Variants in TTLL1 observed in about 807,000 individuals in gnomAD.
The protein encoded by TTLL1 is TTL family tubulin polyglutamylase complex subunit L1, also known as polyglutamylase complex subunit TTLL1.
TTLL1 carries 33 observed loss-of-function variants against 47.8 expected under a neutral mutation model. That is an observed-to-expected ratio of 0.69 (90% CI 0.52 to 0.92). TTLL1 has a LOEUF of 0.92. Among genes scored for constraint, TTLL1 ranks in the 40% least tolerant of loss-of-function variants. TTLL1 has a pLI of 0.00. For synonymous variants in TTLL1, 225 were observed against 214.1 expected (o/e 1.05, Z -0.45); for missense variants, 488 against 547.5 (o/e 0.89, Z 1.08).
chr22:43,054,423 C>CTCTTT (rs1926855913), intron 8 of TTLL1, among the ~76,000 whole-genome samples: 1 of 139,248 alleles, frequency 7.2e-6, no homozygotes, highest in Non-Finnish European at 1.6e-5. Flanking sequence ...GACATAATCT[C>CTCTTT]TTTTTTTTTT....
chr22:43,075,456 C>A lies in TTLL1; in HGVS notation c.113+18G>T, dbSNP rs1179723340. 1.3e-6 allele frequency: 2 copies of A among 1,598,118 alleles called. No homozygotes were observed. The highest frequency in any genetic ancestry group is 1.7e-4 in the Middle Eastern group (1 of 6,018). ...GTAAGCCTCAGAGAAACAACCCAGC[C>A]CTGCTGTGTATGCTTACCAGTAAAA... On this transcript the variant is annotated intron_variant, in intron 3 of 10. Coordinates refer to ENST00000266254, the MANE Select transcript of TTLL1 (RefSeq NM_012263.5).
intron 4 of TTLL1, among the ~76,000 whole-genome samples, chr22:43,069,066 C>A (rs897677591): frequency 1.3e-5 from 2 of 151,902 alleles, no homozygotes; most frequent in African/African-American, 4.8e-5. Flanking sequence ...GCGCTGAGGG[C>A]ATCCTCTGGC....
At chr22:43,076,289 C>T (rs191736644) in intron 2 of TTLL1, among the ~76,000 whole-genome samples, 22 of 151,902 alleles carry the variant, frequency 1.4e-4, no homozygotes, top group African/African-American at 5.3e-4. Flanking sequence ...AACCCCATCT[C>T]TACTAAAAAT....
intron 2 of TTLL1, among the ~76,000 whole-genome samples, chr22:43,078,082 G>T (rs962600143): frequency 2.0e-5 from 3 of 151,886 alleles, no homozygotes; most frequent in African/African-American, 7.3e-5. Flanking sequence ...ACTCCAACCT[G>T]GGGGACAGAG....
At chr22:43,047,677 C>T (rs1363628263) in intron 9 of TTLL1, among the ~76,000 whole-genome samples, 4 of 152,116 alleles carry the variant, frequency 2.6e-5, no homozygotes, top group Admixed American at 2.0e-4. Context: ...CCATGTTGGT[C>T]AGGCTGGTCT....
chr22:43,068,480 C>G lies in TTLL1; in HGVS notation c.433G>C (p.Gly145Arg). The change falls in exon 5 of 11, where the codon GGA becomes CGA. Residue 145 changes from glycine to arginine, a missense_variant. Coordinates refer to ENST00000266254, the MANE Select transcript of TTLL1 (RefSeq NM_012263.5). Reference protein sequence around the residue: ...WIMKPCGKAQGKGIFLINKLS... With the variant: ...WIMKPCGKAQRKGIFLINKLS... ...TTGTTGATAAGGAAGATGCCCTTTC[C>G]CTGGGCCTTGCCACAAGGCTTCATG... 1 of 1,580,922 alleles carries G rather than the reference C, an allele frequency of 6.3e-7. No homozygotes were observed. Among genetic ancestry groups the G allele is most frequent in the East Asian group, 2.3e-5 (1 of 44,156 alleles).
In TTLL1 at chr22:43,069,856, G is replaced by T; in HGVS notation, c.114-12C>A. On this transcript the variant is annotated splice_polypyrimidine_tract_variant and intron_variant, in intron 3 of 10. Transcript: ENST00000266254. ...TTTGCACACTCATCCTGAAAGAGATGAGCAGGAGAGACACTTGGCAGTGAT... is the reference window on the plus strand; with the variant it reads ...TTTGCACACTCATCCTGAAAGAGATTAGCAGGAGAGACACTTGGCAGTGAT... 6.2e-7 allele frequency: 1 copy of T among 1,613,680 alleles called. No individual in the cohort carries two copies. The highest frequency in any genetic ancestry group is 1.1e-5 in the South Asian group (1 of 91,066).
At position 43,048,640 on chromosome 22, in the gene TTLL1, T is replaced by TA. The variant is rs374190686; in HGVS notation, c.979-2068dup. Among the ~76,000 whole-genome samples, 446 of 134,206 alleles carry TA rather than the reference T, an allele frequency of 3.3e-3. 4 individuals are homozygous for TA. The highest frequency in any genetic ancestry group is 0.011 in the African/African-American group (385 of 36,512). The allele number at this position is 134,206 out of a possible 152,430, so 88.0% of individuals were successfully genotyped here. A position where few individuals can be genotyped will look rare whatever the true frequency, so the allele number is the denominator to read the frequency against. On this transcript the variant is annotated intron_variant, in intron 9 of 10. Transcript: ENST00000266254. ...GAACACAGAGCGAGACTTGGTCTCT[T>TA]AAAAAAAAAAACCCAGGCCAGACAT...
chr22:43,088,623 G>A (rs1393716811), intron 1 of TTLL1, among the ~76,000 whole-genome samples: 2 of 151,626 alleles, frequency 1.3e-5, no homozygotes, highest in Admixed American at 1.3e-4. Context: ...GATTACAGGC[G>A]TGAGCCACCG....
Position 43,051,903 on chromosome 22 carries a change from C to T in TTLL1, c.892-16G>A. 6.2e-7 allele frequency: 1 copy of T among 1,612,878 alleles called. No homozygotes were observed. The highest frequency in any genetic ancestry group is 8.5e-7 in the Non-Finnish European group (1 of 1,179,110). On this transcript the variant is annotated splice_polypyrimidine_tract_variant and intron_variant, in intron 8 of 10. Coordinates refer to ENST00000266254, the MANE Select transcript of TTLL1 (RefSeq NM_012263.5). ...TCATCACCGGCTGGAGAGAGAGTGACCAGTGGGTGACATGGCCAGCATCGA... is the reference window on the plus strand; with the variant it reads ...TCATCACCGGCTGGAGAGAGAGTGATCAGTGGGTGACATGGCCAGCATCGA...
chr22:43,084,381 C>A (rs1260973526), intron 1 of TTLL1, among the ~76,000 whole-genome samples: 1 of 152,090 alleles, frequency 6.6e-6, no homozygotes, highest in African/African-American at 2.4e-5. Context: ...AACTCCTAAC[C>A]TCACGTGATC....
intron 7 of TTLL1, among the ~76,000 whole-genome samples, chr22:43,062,302 C>T (rs1422193352): frequency 6.6e-6 from 1 of 151,796 alleles, no homozygotes; most frequent in Non-Finnish European, 1.5e-5. Context: ...ACCATTCTGG[C>T]CAACATGGGG....
chr22:43,056,509 G>A (rs970509847), intron 8 of TTLL1, among the ~76,000 whole-genome samples: 3 of 139,684 alleles, frequency 2.1e-5, no homozygotes, highest in East Asian at 2.1e-4. Context: ...CTGGCCGGGT[G>A]CAGTAGCTCA....
At chr22:43,060,923 C>T (rs948864023) in intron 7 of TTLL1, among the ~76,000 whole-genome samples, 7 of 152,252 alleles carry the variant, frequency 4.6e-5, no homozygotes, top group East Asian at 3.9e-4. Context: ...AGTCCAGGCG[C>T]GGTGGCTCAC....
At chr22:43,067,700 G>A (rs1381059428) in intron 5 of TTLL1, among the ~76,000 whole-genome samples, 1 of 152,086 alleles carries the variant, frequency 6.6e-6, no homozygotes, top group Non-Finnish European at 1.5e-5. Context: ...GCCAGGAACA[G>A]TGAATCACGC....
At chr22:43,049,774 GA>G (rs373017201) in intron 9 of TTLL1, among the ~76,000 whole-genome samples, 12,227 of 112,198 alleles carry the variant, frequency 0.11, 916 homozygotes, top group East Asian at 0.36. Context: ...TCTCAAGACA[GA>G]AAAAAAAAAA....
chr22:43,043,850 C>T (rs954194636), intron 10 of TTLL1, among the ~76,000 whole-genome samples: 1 of 151,996 alleles, frequency 6.6e-6, no homozygotes, highest in Non-Finnish European at 1.5e-5. Context: ...AGGTCACCAC[C>T]CCAGATCCCT....
chr22:43,064,639 T>A (rs954168451), intron 5 of TTLL1, among the ~76,000 whole-genome samples: 1 of 152,022 alleles, frequency 6.6e-6, no homozygotes, highest in African/African-American at 2.4e-5. Context: ...GGCAGGAGAA[T>A]CACTTGAACC....
chr22:43,077,132 A>T lies in TTLL1; in HGVS notation c.-4-1542T>A, dbSNP rs532431706. 5.9e-5 allele frequency among the ~76,000 whole-genome samples: 9 copies of T among 151,602 alleles called. No homozygotes were observed. In the South Asian group the frequency reaches 1.9e-3, roughly 32 times the overall value. On this transcript the variant is annotated intron_variant, in intron 2 of 10. Coordinates refer to ENST00000266254, the MANE Select transcript of TTLL1 (RefSeq NM_012263.5). ...AAAAAATTGTTTATCTGACGACATCACTCCCATTTAATAACCTCCATGACT... is the reference window on the plus strand; with the variant it reads ...AAAAAATTGTTTATCTGACGACATCTCTCCCATTTAATAACCTCCATGACT...
Sources: allele counts gnomAD v4.1 joint callset (sites outside exome capture counted in the v4.1 genomes callset), GRCh38; gene constraint gnomAD v4.1.1; transcripts MANE v1.5; gene names NCBI Gene and HGNC (gene_info 2026-07-23, HGNC 2026-07-21).